The following FHL2 variants were observed in gnomAD, a reference collection of about 807,000 sequenced individuals.
The protein encoded by FHL2 is four and a half LIM domains 2.
A neutral mutation model predicts 32.7 loss-of-function variants in FHL2; 20 were observed. The observed-to-expected ratio is 0.61, with a 90% CI of 0.43 to 0.89. FHL2 has a LOEUF of 0.89. Among genes scored for constraint, FHL2 ranks in the 40% least tolerant of loss-of-function variants. FHL2 has a pLI of 0.00. For synonymous variants in FHL2, 123 were observed against 128.1 expected (o/e 0.96, Z 0.27); for missense variants, 311 against 358.6 (o/e 0.87, Z 1.07).
intron 1 of FHL2, among the ~76,000 whole-genome samples, chr2:105,404,360 G>C (rs1558722273): frequency 6.6e-6 from 1 of 152,198 alleles, no homozygotes; most frequent in African/African-American, 2.4e-5. Flanking sequence ...AAATGCTGGC[G>C]GGAAGGGGTC....
intron 2 of FHL2, among the ~76,000 whole-genome samples, chr2:105,396,152 GA>G (rs759790597): frequency 2.6e-5 from 4 of 152,178 alleles, no homozygotes; most frequent in Admixed American, 6.5e-5. Context: ...GAACCAACAA[GA>G]GATGTACATA....
intron 3 of FHL2, chr2:105,376,112 A>G (rs1049571385): frequency 1.3e-5 from 2 of 152,184 alleles, no homozygotes; most frequent in Non-Finnish European, 2.9e-5. Flanking sequence ...GATGACCATC[A>G]TTACCCCATC....
intron 3 of FHL2, chr2:105,376,215 C>T (rs760818858): frequency 6.6e-5 from 10 of 152,228 alleles, no homozygotes; most frequent in South Asian, 2.1e-4. Context: ...ATACCTGGCA[C>T]GGAGCTAAGC....
At position 105,386,466 on chromosome 2, in the gene FHL2, C is replaced by T; in HGVS notation, c.51G>A (p.Lys17=). The change falls in exon 3 of 7, where the codon AAG becomes AAA. Residue 17 remains lysine, a synonymous_variant. Transcript: ENST00000530340. Reference sequence around the variant, plus strand: ...GGCTCTCCTCCCGCAGGATGTACTTCTTGCCAAAGAGAGATTCGTTGCAAT... The same window carrying T: ...GGCTCTCCTCCCGCAGGATGTACTTTTTGCCAAAGAGAGATTCGTTGCAAT... ...CHHCNESLFG[K]KYILREESPY... 1 of 1,614,256 alleles carries T rather than the reference C, an allele frequency of 6.2e-7. No homozygotes were observed. The highest frequency in any genetic ancestry group is 1.1e-5 in the South Asian group (1 of 91,090).
intron 1 of FHL2, among the ~76,000 whole-genome samples, chr2:105,405,748 G>C (rs754609236): frequency 2.0e-5 from 3 of 152,206 alleles, no homozygotes. Context: ...AGTCTAACTA[G>C]AAAGAGCCTG....
In FHL2 at chr2:105,406,579, C is replaced by T. The variant is rs150610335; in HGVS notation, c.-24-20039G>A. Reference sequence around the variant, plus strand: ...TTTCTGGACTCAGTTCTCTGTCTCACGCTCTTTGCATGGAGGGTCTGTCTG... The same window carrying T: ...TTTCTGGACTCAGTTCTCTGTCTCATGCTCTTTGCATGGAGGGTCTGTCTG... On this transcript the variant is annotated intron_variant, in intron 1 of 5. Transcript: ENST00000393352. 5.2e-3 allele frequency among the ~76,000 whole-genome samples: 791 copies of T among 152,210 alleles called. 13 individuals carry two copies. Among genetic ancestry groups the T allele is most frequent in the African/African-American group, 0.018 (755 of 41,514 alleles).
chr2:105,397,647 T>C (rs928739871), intron 1 of FHL2, among the ~76,000 whole-genome samples: 1 of 152,234 alleles, frequency 6.6e-6, no homozygotes, highest in Non-Finnish European at 1.5e-5. Flanking sequence ...CGACATGTTA[T>C]GGTGTAAACG....
At chr2:105,425,566 G>C (rs986990297) in intron 1 of FHL2, among the ~76,000 whole-genome samples, 1 of 151,660 alleles carries the variant, frequency 6.6e-6, no homozygotes, top group Non-Finnish European at 1.5e-5. Flanking sequence ...TTGCCCCTGG[G>C]AACTGAATGT....
chr2:105,392,686 A>T (rs1279323798), intron 2 of FHL2, among the ~76,000 whole-genome samples: 2 of 152,054 alleles, frequency 1.3e-5, no homozygotes, highest in African/African-American at 4.8e-5. Context: ...CTGGAGGAAA[A>T]TAAAGGGAAA....
upstream of FHL2, chr2:105,399,087 G>T: frequency 2.0e-6 from 3 of 1,486,290 alleles, no homozygotes; most frequent in Non-Finnish European, 2.7e-6. Flanking sequence ...GAGAAACCCC[G>T]CCGTGTCATT....
At chr2:105,398,212 A>C (rs1419731342) in intron 1 of FHL2, among the ~76,000 whole-genome samples, 2 of 152,250 alleles carry the variant, frequency 1.3e-5, no homozygotes, top group Admixed American at 1.3e-4. Context: ...TGATTCATTT[A>C]AAATCAGAAA....
upstream of FHL2, chr2:105,399,531 A>G: frequency 6.5e-7 from 1 of 1,536,120 alleles, no homozygotes; most frequent in Non-Finnish European, 8.7e-7. Flanking sequence ...CGAAATGAAC[A>G]CCACAGATGA....
chr2:105,399,241 C>G (rs1360115034), upstream of FHL2: 1 of 1,535,018 alleles, frequency 6.5e-7, no homozygotes, highest in African/African-American at 1.4e-5. Flanking sequence ...GCCAGGGCTC[C>G]TTTCTTCGTG....
chr2:105,382,416 C>G (rs899482956), intron 3 of FHL2, among the ~76,000 whole-genome samples: 6 of 152,230 alleles, frequency 3.9e-5, no homozygotes, highest in Admixed American at 2.6e-4. Flanking sequence ...GAGGACCCTC[C>G]GGGTCTGGGC....
intron 6 of FHL2, 61 bp downstream of exon 6, chr2:105,363,224 A>T (rs778912274): frequency 4.1e-5 from 64 of 1,553,484 alleles, no homozygotes; most frequent in Non-Finnish European, 4.5e-5. Context: ...CACAGGCTAA[A>T]ATGCTAGGCC....
Position 105,396,868 on chromosome 2 carries a change from C to G in FHL2, c.-75-171G>C, listed in dbSNP as rs953974345. 6.4e-6 allele frequency: 4 copies of G among 621,990 alleles called. No homozygotes were observed. In the African/African-American group the frequency reaches 7.4e-5, roughly 11 times the overall value. 38.5% of individuals were successfully genotyped at this position (621,990 alleles called of 1,614,324 possible). On this transcript the variant is annotated intron_variant, in intron 1 of 6. Transcript: ENST00000530340. ...TTTCCATTCACCCAAGCTCAAGGAA[C>G]TTTGTACCTCAGGGCATCTGAGTCA...
chr2:105,418,294 A>G (rs1322598915), intron 1 of FHL2, among the ~76,000 whole-genome samples: 1 of 152,122 alleles, frequency 6.6e-6, no homozygotes, highest in Admixed American at 6.5e-5. Flanking sequence ...TTCTGGTTTG[A>G]AAGATGTGGG....
At chr2:105,375,351 G>T (rs774805138) in intron 3 of FHL2, 1 of 152,248 alleles carries the variant, frequency 6.6e-6, no homozygotes, top group Non-Finnish European at 1.5e-5. Context: ...TGCTATCCCT[G>T]TTGGAAGTTT....
chr2:105,363,800 G>C (rs1288733406), intron 5 of FHL2, among the ~76,000 whole-genome samples: 2 of 152,132 alleles, frequency 1.3e-5, no homozygotes, highest in Admixed American at 6.5e-5. Flanking sequence ...TGGAGGGGTC[G>C]GGATTCAATA....
Sources: allele counts gnomAD v4.1 joint callset (sites outside exome capture counted in the v4.1 genomes callset), GRCh38; gene constraint gnomAD v4.1.1; transcripts MANE v1.5; gene names NCBI Gene and HGNC (gene_info 2026-07-23, HGNC 2026-07-21).